The following TENM2 variants were observed in gnomAD, a reference collection of about 807,000 sequenced individuals.
TENM2 encodes teneurin transmembrane protein 2.
TENM2 carries 52 observed loss-of-function variants against 245.2 expected under a neutral mutation model. The observed-to-expected ratio is 0.21, with a 90% confidence interval of 0.17 to 0.27. The LOEUF (loss-of-function observed/expected upper bound fraction) is 0.27. Among genes scored for constraint, TENM2 ranks in the 10% least tolerant of loss-of-function variants. TENM2 has a pLI of 1.00. For missense variants in TENM2, 3,046 were observed against 3,666.8 expected (o/e 0.83, Z 4.37); for synonymous variants, 1,363 against 1,438.9 (o/e 0.95, Z 1.19).
intron 2 of TENM2, among the ~76,000 whole-genome samples, chr5:167,394,319 C>T (rs188527467): frequency 2.0e-4 from 31 of 152,150 alleles, no homozygotes; most frequent in Admixed American, 1.4e-3. Context: ...AGATAAGGAT[C>T]CAAATTAATC....
At chr5:167,704,600 C>T (rs1456466352) in intron 2 of TENM2, among the ~76,000 whole-genome samples, 1 of 151,906 alleles carries the variant, frequency 6.6e-6, no homozygotes, top group Admixed American at 6.6e-5. Context: ...ACAGAAATAG[C>T]AATGAAGGAA....
the TENM2 span, among the ~76,000 whole-genome samples, chr5:167,062,265 G>A: frequency 1.3e-5 from 2 of 151,850 alleles, no homozygotes; most frequent in East Asian, 1.9e-4. Context: ...GTTGAATATC[G>A]CTTGGATTGC....
chr5:167,132,980 A>T, the TENM2 span, among the ~76,000 whole-genome samples: 1 of 152,192 alleles, frequency 6.6e-6, no homozygotes, highest in African/African-American at 2.4e-5. Flanking sequence ...TTAATGTACC[A>T]GCATTAACTT....
At chr5:167,909,921 T>C (rs1041204339) in intron 3 of TENM2, among the ~76,000 whole-genome samples, 1 of 151,984 alleles carries the variant, frequency 6.6e-6, no homozygotes. Context: ...TTTTTTTTTT[T>C]TTTTTCCAGC....
chr5:167,929,062 AAAGAAAGAAAGAAAG>A (rs1224397385), intron 3 of TENM2, among the ~76,000 whole-genome samples: 1 of 3,216 alleles, frequency 3.1e-4, no homozygotes, highest in African/African-American at 1.6e-3. Context: ...AGAAAGAGAG[AAAGAAAGAAAGAAAG>A]AAAGAAAGAA....
intron 2 of TENM2, among the ~76,000 whole-genome samples, chr5:167,826,013 C>T (rs952565624): frequency 2.0e-5 from 3 of 152,090 alleles, no homozygotes; most frequent in Non-Finnish European, 2.9e-5. Context: ...CAGCCCAACA[C>T]GTCGTGTACC....
intron 4 of TENM2, among the ~76,000 whole-genome samples, chr5:167,980,612 C>A (rs1412676011): frequency 6.6e-6 from 1 of 152,090 alleles, no homozygotes; most frequent in South Asian, 2.1e-4. Flanking sequence ...TGATGCAGAG[C>A]AGGATAACTT....
chr5:167,931,733 G>A (rs894958383), intron 3 of TENM2, among the ~76,000 whole-genome samples: 3 of 152,118 alleles, frequency 2.0e-5, no homozygotes, highest in African/African-American at 7.2e-5. Context: ...AATATATACT[G>A]CTAATTGCTT....
rs62388803 is a variant in TENM2 at position 167,385,856 on chromosome 5, A to G, written c.502+10383A>G. On this transcript the variant is annotated intron_variant, in intron 2 of 28. Transcript: ENST00000518659. ...CTGAGTAGTATTCCATTATATATAT[A>G]TGTGTGTGTGTGTGTGTGTGTGTGT... Among the ~76,000 whole-genome samples, 1,083 of 139,130 alleles carry G rather than the reference A, an allele frequency of 7.8e-3. 3 individuals carry two copies. Among genetic ancestry groups the G allele is most frequent in the South Asian group, 0.025 (102 of 4,106 alleles). 91.3% of individuals were successfully genotyped at this position (139,130 alleles called of 152,430 possible).
At chr5:167,073,230 T>C in the TENM2 span, among the ~76,000 whole-genome samples, 3 of 152,326 alleles carry the variant, frequency 2.0e-5, no homozygotes, top group South Asian at 4.1e-4. Flanking sequence ...ATTTTCTTTT[T>C]CATTTTAACA....
chr5:167,462,424 C>T (rs1766375252), intron 2 of TENM2, among the ~76,000 whole-genome samples: 1 of 152,128 alleles, frequency 6.6e-6, no homozygotes, highest in South Asian at 2.1e-4. Context: ...TAAGTGTTAA[C>T]CAGCTCAGTG....
At chr5:167,391,417 A>G (rs1049194764) in intron 2 of TENM2, among the ~76,000 whole-genome samples, 3 of 151,876 alleles carry the variant, frequency 2.0e-5, no homozygotes, top group Non-Finnish European at 4.4e-5. Context: ...CTTGAGGTCA[A>G]GAGTTTAAGA....
intron 3 of TENM2, among the ~76,000 whole-genome samples, chr5:167,929,069 GAAAGAA>G (rs1554148034): frequency 5.3e-5 from 1 of 18,836 alleles, no homozygotes; most frequent in African/African-American, 3.5e-4. Flanking sequence ...GAGAAAGAAA[GAAAGAA>G]AGAAAGAAAG....
chr5:167,707,902 A>G (rs1459680157), intron 2 of TENM2, among the ~76,000 whole-genome samples: 2 of 152,222 alleles, frequency 1.3e-5, no homozygotes, highest in African/African-American at 4.8e-5. Context: ...AATGGTGGCC[A>G]GAGGCATGTC....
intron 2 of TENM2, among the ~76,000 whole-genome samples, chr5:167,678,500 C>T (rs1756485926): frequency 6.6e-6 from 1 of 152,064 alleles, no homozygotes; most frequent in Admixed American, 6.6e-5. Flanking sequence ...GTCCTCCCAC[C>T]GGAGTCTGTG....
At chr5:167,904,330 A>T (rs1775927041) in intron 3 of TENM2, among the ~76,000 whole-genome samples, 1 of 152,152 alleles carries the variant, frequency 6.6e-6, no homozygotes, top group Non-Finnish European at 1.5e-5. Flanking sequence ...GTGAGCAATC[A>T]CCTAGACTCT....
At chr5:168,215,368 A>G in intron 21 of TENM2, 96 bp downstream of exon 23, 2 of 931,544 alleles carry the variant, frequency 2.1e-6, no homozygotes, top group Non-Finnish European at 3.4e-6. Context: ...CCAGCAGTCC[A>G]AAACACAGCT....
At chr5:168,059,566 C>T (rs1280922527) in intron 6 of TENM2, among the ~76,000 whole-genome samples, 1 of 152,090 alleles carries the variant, frequency 6.6e-6, no homozygotes, top group Non-Finnish European at 1.5e-5. Flanking sequence ...CTTCCCCAGG[C>T]GGCTCTCTTA....
intron 2 of TENM2, among the ~76,000 whole-genome samples, chr5:167,534,668 T>G (rs1771734579): frequency 6.6e-6 from 1 of 152,154 alleles, no homozygotes. Context: ...CAAGATAAAA[T>G]AATTCTTAGG....
Sources: gnomAD v4.1 joint callset for allele counts (sites outside exome capture counted in the v4.1 genomes callset) on GRCh38, gnomAD v4.1.1 for gene constraint, MANE v1.5 for transcripts, NCBI Gene and HGNC (gene_info 2026-07-23, HGNC 2026-07-21) for gene names.